DISP2: variants seen among roughly 807,000 people sequenced by gnomAD.
DISP2 encodes the protein dispatched RND transporter family member 2, also known as protein dispatched homolog 2.
A neutral mutation model predicts 95.5 loss-of-function variants in DISP2; 59 were observed. That is an observed-to-expected ratio of 0.62 (90% CI 0.50 to 0.77). DISP2 has a LOEUF of 0.77. DISP2 is among the 30% of genes least tolerant of loss of function. DISP2 has a pLI of 0.00. For synonymous variants in DISP2, 827 were observed against 815.0 expected, an observed-to-expected ratio of 1.01 and a Z score of -0.25; for missense variants, 1,752 against 1,854.6, an observed-to-expected ratio of 0.94 and a Z score of 1.02.
chr15:40,364,121 C>T lies in DISP2; in HGVS notation c.450-105C>T, dbSNP rs1005067280. On this transcript the variant is annotated intron_variant, in intron 2 of 7. Transcript: ENST00000267889. ...GGCAAAGCGCTAAAAGGGTTAATAC[C>T]ATGGGTTATCCCTCACCTACCCACT... The T allele has an allele frequency of 1.2e-4, 183 of 1,548,858 alleles. 1 individual carries two copies. Among genetic ancestry groups the T allele is most frequent in the Non-Finnish European group, 1.6e-4 (178 of 1,128,712 alleles).
Position 40,377,774 on chromosome 15 carries a change from A to G in DISP2, c.*7456A>G, listed in dbSNP as rs1889750240. On this transcript the variant is annotated 3_prime_UTR_variant, in exon 8 of 8. Coordinates refer to ENST00000267889, the MANE Select transcript of DISP2 (RefSeq NM_033510.3). ...TAAGGAAACCACTTGAGACAAAGGA[A>G]AGGACCACCCAAAACAATGGGCCGG... 6.6e-6 allele frequency: 1 copy of G among 152,460 alleles called. No homozygotes were observed. Among genetic ancestry groups the G allele is most frequent in the Non-Finnish European group, 1.5e-5 (1 of 68,168 alleles). The allele number at this position is 152,460 out of a possible 1,614,324, so 9.4% of individuals were successfully genotyped here.
Position 40,363,925 on chromosome 15 carries a change from C to A in DISP2, c.420C>A (p.Pro140=), listed in dbSNP as rs749400005. The A allele has an allele frequency of 3.9e-6, 6 of 1,548,896 alleles. No homozygotes were observed. Among genetic ancestry groups the A allele is most frequent in the Non-Finnish European group, 5.2e-6 (6 of 1,146,878 alleles). Residue 140 remains proline, a synonymous_variant, in exon 2 of 8, where the codon CCC becomes CCA. Transcript: ENST00000267889. ...PSQRDGTWKP[P]AVQHHVVSVR... is the part of the protein sequence containing the mutation. ...AGCGCGATGGGACCTGGAAGCCACCCGCTGTGCAGCACCATGTGGTCAGCG... is the reference window on the plus strand; with the variant it reads ...AGCGCGATGGGACCTGGAAGCCACCAGCTGTGCAGCACCATGTGGTCAGCG...
Position 40,368,437 on chromosome 15 carries a change from G to C in DISP2, c.2325G>C (p.Val775=), listed in dbSNP as rs751568386. Residue 775 remains valine (V), a synonymous_variant, in exon 8 of 8, where the codon GTG becomes GTC. Transcript: ENST00000267889. ...GCGGCCACATGCCCGTGGTTTTGGT[G>C]TGGGGCGTCCTGCCTGTGGACACTG... ...GEGGHMPVVL[V]WGVLPVDTGD... 2 of 1,609,648 alleles carry C rather than the reference G, an allele frequency of 1.2e-6. No individual in the cohort carries two copies. The highest frequency in any genetic ancestry group is 3.3e-4 in the Middle Eastern group (2 of 6,062).
In DISP2 at chr15:40,373,454, A is replaced by T. The variant is rs1889678155; in HGVS notation, c.*3136A>T. On this transcript the variant is annotated 3_prime_UTR_variant, in exon 8 of 8. Coordinates refer to ENST00000267889, the MANE Select transcript of DISP2 (RefSeq NM_033510.3). Reference sequence around the variant, plus strand: ...CATGATGGCTCATGCCTGTAATCCCAGCACTTTGGGAGGCTGAGGCAGGTG... The same window carrying T: ...CATGATGGCTCATGCCTGTAATCCCTGCACTTTGGGAGGCTGAGGCAGGTG... 1 of 152,258 alleles carries T rather than the reference A, an allele frequency of 6.6e-6. No homozygotes were observed. The highest frequency in any genetic ancestry group is 2.4e-5 in the African/African-American group (1 of 41,452). 9.4% of individuals were successfully genotyped at this position (152,258 alleles called of 1,614,324 possible). A position where few individuals can be genotyped will look rare whatever the true frequency, so the allele number is the denominator to read the frequency against.
At chr15:40,363,311 CAA>C (rs776191955) in intron 1 of DISP2, among the ~76,000 whole-genome samples, 12 of 102,426 alleles carry the variant, frequency 1.2e-4, no homozygotes, top group Admixed American at 1.9e-4. Context: ...GACTCCATCA[CAA>C]AAAAAAAAAA....
chr15:40,364,105 C>T, intron 2 of DISP2, 121 bp from the exon 3 acceptor site: 1 of 1,529,158 alleles, frequency 6.5e-7, no homozygotes, highest in Admixed American at 1.7e-5. Context: ...TGGCAAAGCG[C>T]TAAAAGGGTT....
At chr15:40,360,010 G>A (rs542007669) in intron 1 of DISP2, among the ~76,000 whole-genome samples, 1 of 152,368 alleles carries the variant, frequency 6.6e-6, no homozygotes, top group Admixed American at 6.5e-5. Context: ...CTGTGTGTCT[G>A]TGGGCTTGGG....
Position 40,363,892 on chromosome 15 carries a change from C to T in DISP2, c.387C>T (p.Ala129=). The part of the protein sequence containing the change: ...SHGSSLSPSP[A]PSQRDGTWKP... The stretch of plus-strand genomic sequence containing the variant: ...GCTCCAGCCTCAGCCCTTCTCCAGC[C>T]CCCTCACAGCGCGATGGGACCTGGA... The change falls in exon 2 of 8, where the codon GCC becomes GCT. Residue 129 remains alanine (A), a synonymous_variant. Transcript: ENST00000267889. 2.5e-6 allele frequency: 4 copies of T among 1,578,462 alleles called. No homozygotes were observed. In the South Asian group the frequency reaches 3.5e-5, roughly 14 times the overall value.
Position 40,368,026 on chromosome 15 carries a change from C to A in DISP2, c.1914C>A (p.Pro638=). The A allele has an allele frequency of 6.5e-7, 1 of 1,532,622 alleles. No individual in the cohort carries two copies. Among genetic ancestry groups the A allele is most frequent in the Non-Finnish European group, 8.7e-7 (1 of 1,145,286 alleles). 94.9% of individuals were successfully genotyped at this position (1,532,622 alleles called of 1,614,324 possible). The change falls in exon 8 of 8, where the codon CCC becomes CCA. Residue 638 remains proline (P), a synonymous_variant. Transcript: ENST00000267889. ...TGGCGCTCACGCTGGTCTGGCTGCC[C>A]GCCTCCGCCGTGCTCCACGAGCGCT... The part of the protein sequence containing the change: ...VHLALTLVWL[P]ASAVLHERYL...
rs771814127 is a variant in DISP2 at position 40,368,062 on chromosome 15, CGGCTGTGCGCGCCGGGCGCGG to C, written c.1954_1974del (p.Cys652_Gly658del). 6.1e-5 allele frequency: 90 copies of C among 1,469,168 alleles called. No individual in the cohort carries two copies. The highest frequency in any genetic ancestry group is 2.3e-4 in the Middle Eastern group (1 of 4,340). 91.0% of individuals were successfully genotyped at this position (1,469,168 alleles called of 1,614,324 possible). ...TGCTCCACGAGCGCTACCTGGCGCG[CGGCTGTGCGCGCCGGGCGCGG>C]GGCCGGTGGGAGGGCAGCGCGCCCC... On this transcript the variant is annotated inframe_deletion, in exon 8 of 8. Coordinates refer to ENST00000267889, the MANE Select transcript of DISP2 (RefSeq NM_033510.3).
chr15:40,363,114 T>A (rs192952939), intron 1 of DISP2, among the ~76,000 whole-genome samples: 1 of 147,590 alleles, frequency 6.8e-6, no homozygotes, highest in Non-Finnish European at 1.5e-5. Context: ...CCATCCTGAC[T>A]AACACGGTGA....
In DISP2 at chr15:40,366,985, C is replaced by G. The variant is rs908522335; in HGVS notation, c.946-73C>G. The stretch of plus-strand genomic sequence containing the variant: ...TGTAGTGTGAAAGGAGATGAGAGAG[C>G]CTTGTATAGGACTGGGAAAACCTGA... On this transcript the variant is annotated intron_variant, in intron 7 of 7. Coordinates refer to ENST00000267889, the MANE Select transcript of DISP2 (RefSeq NM_033510.3). The G allele has an allele frequency of 9.7e-6, 15 of 1,551,688 alleles. No homozygotes were observed. The African/African-American group carries it at 1.1e-4, about 11-fold the overall frequency.
Position 40,373,685 on chromosome 15 carries a change from C to G in DISP2, c.*3367C>G, listed in dbSNP as rs1164397962. The G allele has an allele frequency of 6.6e-6, 1 of 150,504 alleles. No homozygotes were observed. The highest frequency in any genetic ancestry group is 1.5e-5 in the Non-Finnish European group (1 of 67,874). The allele number at this position is 150,504 out of a possible 1,614,324, so 9.3% of individuals were successfully genotyped here. A position where few individuals can be genotyped will look rare whatever the true frequency, so the allele number is the denominator to read the frequency against. ...TGCCACTGCACTCCAGCCTGGATGACAGAGCAAGACACCGTCTCAAAAAAT... is the reference window on the plus strand; with the variant it reads ...TGCCACTGCACTCCAGCCTGGATGAGAGAGCAAGACACCGTCTCAAAAAAT... On this transcript the variant is annotated 3_prime_UTR_variant, in exon 8 of 8. Transcript: ENST00000267889.
rs568881572 is a variant in DISP2, at chr15:40,377,415, A to G, written c.*7097A>G. On this transcript the variant is annotated 3_prime_UTR_variant, in exon 8 of 8. Transcript: ENST00000267889. ...CAAGTTTATCCTCCTGCCTGAAACA[A>G]CCAACCAAACAGTAAATACATGAAA... 1 of 152,222 alleles carries G rather than the reference A, an allele frequency of 6.6e-6. No individual in the cohort carries two copies. The highest frequency in any genetic ancestry group is 2.1e-4 in the South Asian group (1 of 4,826). 9.4% of individuals were successfully genotyped at this position (152,222 alleles called of 1,614,324 possible). A position where few individuals can be genotyped will look rare whatever the true frequency, so the allele number is the denominator to read the frequency against.
Position 40,370,769 on chromosome 15 carries a change from C to G in DISP2, c.*451C>G. The stretch of plus-strand genomic sequence containing the variant: ...CAGCAATCTCCACAGCCTCCTGGGT[C>G]TCACCCCTTTCATGGGCTCTTCATC... On this transcript the variant is annotated 3_prime_UTR_variant, in exon 8 of 8. Coordinates refer to ENST00000267889, the MANE Select transcript of DISP2 (RefSeq NM_033510.3). The G allele has an allele frequency of 2.4e-6, 1 of 410,848 alleles. No individual in the cohort carries two copies. Among genetic ancestry groups the G allele is most frequent in the Admixed American group, 2.8e-5 (1 of 36,326 alleles). The allele number at this position is 410,848 out of a possible 1,614,324, so 25.5% of individuals were successfully genotyped here. A position where few individuals can be genotyped will look rare whatever the true frequency, so the allele number is the denominator to read the frequency against.
intron 7 of DISP2, among the ~76,000 whole-genome samples, chr15:40,366,157 G>A (rs560785979): frequency 1.2e-4 from 18 of 152,326 alleles, no homozygotes; most frequent in South Asian, 8.3e-4. Context: ...TGAAAACCAC[G>A]CAGCAGCCCA....
At position 40,358,417 on chromosome 15, in the gene DISP2, C is replaced by T. The variant is rs545951253; in HGVS notation, c.96C>T (p.Ala32=). 6.1e-5 allele frequency: 82 copies of T among 1,333,860 alleles called. No homozygotes were observed. The African/African-American group carries it at 1.1e-3, about 18-fold the overall frequency. The allele number at this position is 1,333,860 out of a possible 1,614,324, so 82.6% of individuals were successfully genotyped here. ...GEQRPEGEPL[A]PDGGSPDSTQ... ...AACGGCCCGAGGGGGAGCCCTTGGCCCCAGACGGCGGCTCCCCGGACAGGT... is the reference window on the plus strand; with the variant it reads ...AACGGCCCGAGGGGGAGCCCTTGGCTCCAGACGGCGGCTCCCCGGACAGGT... Residue 32 remains alanine, a synonymous_variant, in exon 1 of 8, where the codon GCC becomes GCT. Coordinates refer to ENST00000267889, the MANE Select transcript of DISP2 (RefSeq NM_033510.3).
chr15:40,361,836 G>A (rs1011862033), intron 1 of DISP2, among the ~76,000 whole-genome samples: 1 of 152,244 alleles, frequency 6.6e-6, no homozygotes, highest in African/African-American at 2.4e-5. Context: ...GCATAGGTCT[G>A]ACTCTCCTTG....
Position 40,371,278 on chromosome 15 carries a change from C to T in DISP2, c.*960C>T, listed in dbSNP as rs1036907811. 1.1e-4 allele frequency: 17 copies of T among 152,304 alleles called. No homozygotes were observed. Among genetic ancestry groups the T allele is most frequent in the African/African-American group, 4.1e-4 (17 of 41,466 alleles). The allele number at this position is 152,304 out of a possible 1,614,324, so 9.4% of individuals were successfully genotyped here. On this transcript the variant is annotated 3_prime_UTR_variant, in exon 8 of 8. Coordinates refer to ENST00000267889, the MANE Select transcript of DISP2 (RefSeq NM_033510.3). ...TGCCTTCTTTCACCGCTAGCACCCT[C>T]CTCCAATCTGCTTTCTCTGGTGTCT...
Sources: gnomAD v4.1 joint callset for allele counts (sites outside exome capture counted in the v4.1 genomes callset) on GRCh38, gnomAD v4.1.1 for gene constraint, MANE v1.5 for transcripts, NCBI Gene and HGNC (gene_info 2026-07-23, HGNC 2026-07-21) for gene names.